DLG2: variants seen among roughly 807,000 people sequenced by gnomAD.
The protein encoded by DLG2 is discs large MAGUK scaffold protein 2.
A neutral mutation model predicts 132.5 loss-of-function variants in DLG2; 45 were observed. The ratio of observed to expected loss-of-function variants is 0.34; its 90% CI spans 0.27 to 0.44. The LOEUF (loss-of-function observed/expected upper bound fraction) is 0.44. DLG2 is among the 20% of genes least tolerant of loss of function. The pLI is 1.00. For missense variants in DLG2, 1,045 were observed against 1,196.9 expected, an observed-to-expected ratio of 0.87 and a Z score of 1.87; for synonymous variants, 424 against 419.6, an observed-to-expected ratio of 1.01 and a Z score of -0.13.
chr11:83,671,800 T>G lies in DLG2; in HGVS notation c.1826-38475A>C, dbSNP rs56308192. ...GTTTTTAATATAAGCACAATACAAT[T>G]GTCACATCTCAAATATTACCAATAA... On this transcript the variant is annotated intron_variant, in intron 18 of 27. Coordinates refer to ENST00000376104, the MANE Select transcript of DLG2 (RefSeq NM_001142699.3). Among the ~76,000 whole-genome samples the G allele has an allele frequency of 6.4e-3, 968 of 152,328 alleles. 7 individuals carry two copies. The highest frequency in any genetic ancestry group is 0.022 in the African/African-American group (920 of 41,558).
intron 7 of DLG2, among the ~76,000 whole-genome samples, chr11:84,524,109 A>T (rs2099312891): frequency 6.6e-6 from 1 of 151,282 alleles, no homozygotes. Flanking sequence ...TGAGGAGCTT[A>T]AAAAAAAACT....
intron 19 of DLG2, among the ~76,000 whole-genome samples, chr11:83,550,141 C>T (rs2141998763): frequency 2.0e-5 from 3 of 152,238 alleles, no homozygotes; most frequent in Middle Eastern, 6.8e-3. Context: ...AGGGTGTTGG[C>T]AAATGTCCAT....
intron 3 of DLG2, among the ~76,000 whole-genome samples, chr11:85,534,733 C>T (rs892309660): frequency 5.9e-5 from 9 of 152,172 alleles, no homozygotes; most frequent in Non-Finnish European, 1.2e-4. Flanking sequence ...TTTACGTATT[C>T]CATCGTTGAT....
At chr11:85,017,914 T>C (rs1239492993) in intron 6 of DLG2, among the ~76,000 whole-genome samples, 1 of 151,802 alleles carries the variant, frequency 6.6e-6, no homozygotes, top group African/African-American at 2.4e-5. Context: ...TTCTCAGTTA[T>C]CTCTTAAAGT....
At chr11:84,583,022 A>G (rs560450565) in intron 6 of DLG2, among the ~76,000 whole-genome samples, 19 of 152,288 alleles carry the variant, frequency 1.2e-4, no homozygotes, top group Middle Eastern at 6.8e-3. Flanking sequence ...TGACCCAATA[A>G]AAGAAAGTAA....
At chr11:85,402,012 A>T (rs550147267) in intron 3 of DLG2, among the ~76,000 whole-genome samples, 3 of 152,158 alleles carry the variant, frequency 2.0e-5, no homozygotes, top group Non-Finnish European at 4.4e-5. Flanking sequence ...ATATGGAACC[A>T]AAAAAGAGCC....
At chr11:84,045,598 T>C (rs1220957073) in intron 11 of DLG2, among the ~76,000 whole-genome samples, 1 of 151,696 alleles carries the variant, frequency 6.6e-6, no homozygotes, top group Non-Finnish European at 1.5e-5. Context: ...AAGTAGAGTA[T>C]GGAGCTCACG....
At chr11:83,703,966 TG>T (rs751373009) in intron 18 of DLG2, among the ~76,000 whole-genome samples, 8 of 152,122 alleles carry the variant, frequency 5.3e-5, no homozygotes, top group Non-Finnish European at 1.2e-4. Flanking sequence ...CACAAAACAT[TG>T]TTAAATGAAA....
chr11:85,331,710 A>G (rs563489321), intron 3 of DLG2, among the ~76,000 whole-genome samples: 2 of 152,286 alleles, frequency 1.3e-5, no homozygotes, highest in East Asian at 3.8e-4. Context: ...ATACGTGAAA[A>G]CATGAAGTAT....
chr11:85,071,128 A>G (rs2065805341), intron 6 of DLG2, among the ~76,000 whole-genome samples: 1 of 151,902 alleles, frequency 6.6e-6, no homozygotes, highest in Non-Finnish European at 1.5e-5. Context: ...ATTCATCTAT[A>G]TAAAGCTATC....
chr11:83,500,270 G>A (rs1314518263), intron 21 of DLG2, among the ~76,000 whole-genome samples: 2 of 151,930 alleles, frequency 1.3e-5, no homozygotes, highest in East Asian at 3.9e-4. Flanking sequence ...TAAGTATCTA[G>A]GACGGAGGAT....
intron 21 of DLG2, among the ~76,000 whole-genome samples, chr11:83,488,315 G>A (rs1202039814): frequency 1.3e-5 from 2 of 151,920 alleles, no homozygotes; most frequent in Non-Finnish European, 2.9e-5. Flanking sequence ...TGTTGTGACA[G>A]ACATTAGAAC....
intron 3 of DLG2, among the ~76,000 whole-genome samples, chr11:85,345,479 C>T (rs1006755254): frequency 6.6e-6 from 1 of 152,060 alleles, no homozygotes; most frequent in Non-Finnish European, 1.5e-5. Flanking sequence ...TTTTGAATTT[C>T]ACAACAACCC....
chr11:84,502,255 C>CTTTCTTTCT (rs2099214478), intron 7 of DLG2, among the ~76,000 whole-genome samples: 1 of 35,888 alleles, frequency 2.8e-5, no homozygotes, highest in South Asian at 1.5e-3. Flanking sequence ...TCCTTCCTTC[C>CTTTCTTTCT]TTCCTTCCTT....
At chr11:85,421,384 C>T (rs1435130768) in intron 3 of DLG2, among the ~76,000 whole-genome samples, 4 of 151,906 alleles carry the variant, frequency 2.6e-5, no homozygotes, top group African/African-American at 4.8e-5. Context: ...GGAGCTGTTC[C>T]TATTCGGCCA....
At chr11:85,088,334 C>G (rs182222132) in intron 6 of DLG2, among the ~76,000 whole-genome samples, 13 of 152,290 alleles carry the variant, frequency 8.5e-5, no homozygotes, top group Admixed American at 5.2e-4. Flanking sequence ...GTGAGCCTTT[C>G]AAATTTCATG....
At chr11:84,782,113 AC>A (rs1050584660) in intron 6 of DLG2, among the ~76,000 whole-genome samples, 1 of 152,016 alleles carries the variant, frequency 6.6e-6, no homozygotes, top group African/African-American at 2.4e-5. Flanking sequence ...TACCTGCAAA[AC>A]CCCACGGGTA....
chr11:84,890,366 G>C (rs1168162063), intron 6 of DLG2, among the ~76,000 whole-genome samples: 1 of 152,154 alleles, frequency 6.6e-6, no homozygotes, highest in Non-Finnish European at 1.5e-5. Flanking sequence ...CTGTGAAGCG[G>C]TCAAGTCCTC....
At chr11:84,255,189 TAC>T (rs774043925) in intron 7 of DLG2, among the ~76,000 whole-genome samples, 11 of 152,230 alleles carry the variant, frequency 7.2e-5, no homozygotes, top group Non-Finnish European at 1.5e-4. Context: ...TGTTCACTTT[TAC>T]AGTCAAGAGA....
Sources: allele counts gnomAD v4.1 joint callset (sites outside exome capture counted in the v4.1 genomes callset), GRCh38; gene constraint gnomAD v4.1.1; transcripts MANE v1.5; gene names NCBI Gene and HGNC (gene_info 2026-07-23, HGNC 2026-07-21).